PLXNA4: variants seen among roughly 807,000 people sequenced by gnomAD.
PLXNA4 encodes the protein plexin A4.
In PLXNA4, 44 loss-of-function variants were observed where a neutral mutation model predicts 191.8. That is an observed-to-expected ratio of 0.23 (90% confidence interval 0.18 to 0.29). The LOEUF (loss-of-function observed/expected upper bound fraction) is 0.29. Among genes scored for constraint, PLXNA4 ranks in the 10% least tolerant of loss-of-function variants. The pLI, the probability that PLXNA4 is intolerant of heterozygous loss-of-function variation, is 1.00. For synonymous variants in PLXNA4, 1,082 were observed against 1,009.5 expected (o/e 1.07, Z -1.36); for missense variants, 1,800 against 2,488.8 (o/e 0.72, Z 5.89).
In PLXNA4 at chr7:132,435,664, C is replaced by A. The variant is rs142407601; in HGVS notation, c.1371+53628G>T. On this transcript the variant is annotated intron_variant, in intron 3 of 31. Coordinates refer to ENST00000321063, the MANE Select transcript of PLXNA4 (RefSeq NM_020911.2). ...GATGTTTGCTGGGGCCACCTGTGTT[C>A]GGCAACACTTGTCTTTGTGTTGGTG... is the stretch of plus-strand genomic sequence containing the variant. Among the ~76,000 whole-genome samples, 1,058 of 152,276 alleles carry A rather than the reference C, an allele frequency of 6.9e-3. 11 individuals are homozygous for A. Among genetic ancestry groups the A allele is most frequent in the African/African-American group, 0.024 (997 of 41,556 alleles).
At chr7:132,229,546 C>T (rs1349021534) in intron 5 of PLXNA4, among the ~76,000 whole-genome samples, 1 of 152,056 alleles carries the variant, frequency 6.6e-6, no homozygotes, top group African/African-American at 2.4e-5. Flanking sequence ...AAGCAGGGTC[C>T]TCAGGAGGGA....
In PLXNA4 at chr7:132,630,145, C is replaced by T. The variant is rs192784733; in HGVS notation, c.-87+15783G>A. ...GATTACAGGCATGAGCCACCTCACC[C>T]GGCCTGGTGTCTCTTCTTATAAGGC... is the stretch of plus-strand genomic sequence containing the variant. On this transcript the variant is annotated intron_variant, in intron 2 of 4. Transcript: ENST00000378539. Among the ~76,000 whole-genome samples, 22 of 152,262 alleles carry T rather than the reference C, an allele frequency of 1.4e-4. No homozygotes were observed. The East Asian group carries it at 2.7e-3, about 19-fold the overall frequency.
rs574098636 is a variant in PLXNA4, at chr7:132,437,824, T to C, written c.1371+51468A>G. Among the ~76,000 whole-genome samples the C allele has an allele frequency of 2.0e-5, 3 of 152,238 alleles. No homozygotes were observed. The East Asian group carries it at 5.8e-4, about 29-fold the overall frequency. On this transcript the variant is annotated intron_variant, in intron 3 of 31. Coordinates refer to ENST00000321063, the MANE Select transcript of PLXNA4 (RefSeq NM_020911.2). ...TGTCAGCAGCAGGAGGGTCATGTGA[T>C]TGCAGAGGGCAGCCTGACAAGCCCA...
rs78813318 is a variant in PLXNA4 at position 132,206,224 on chromosome 7, G to A, written c.2299-2805C>T. The stretch of plus-strand genomic sequence containing the variant: ...TTCAAGATCATGCACAGCATGCTCC[G>A]AGCATAGTATCTGTCATATAGTCTA... On this transcript the variant is annotated intron_variant, in intron 10 of 31. Transcript: ENST00000321063. 1.4e-3 allele frequency among the ~76,000 whole-genome samples: 214 copies of A among 152,324 alleles called. 2 individuals are homozygous for A. Among genetic ancestry groups the A allele is most frequent in the African/African-American group, 3.7e-3 (154 of 41,578 alleles).
chr7:132,253,562 C>A (rs1799329873), intron 4 of PLXNA4, among the ~76,000 whole-genome samples: 1 of 152,046 alleles, frequency 6.6e-6, no homozygotes, highest in Admixed American at 6.6e-5. Context: ...TCTTTATACC[C>A]ACAAGATTTC....
chr7:132,568,148 C>G lies in PLXNA4; in HGVS notation c.-87+8274G>C, dbSNP rs79944199. ...AATGACTTACAGGAAATATTTTATGCAGAAATGTCCCCTGTTGCATTATAT... is the reference window on the plus strand; with the variant it reads ...AATGACTTACAGGAAATATTTTATGGAGAAATGTCCCCTGTTGCATTATAT... On this transcript the variant is annotated intron_variant, in intron 1 of 31. Coordinates refer to ENST00000321063, the MANE Select transcript of PLXNA4 (RefSeq NM_020911.2). Among the ~76,000 whole-genome samples the G allele has an allele frequency of 2.3e-3, 351 of 152,294 alleles. 2 individuals are homozygous for G. The highest frequency in any genetic ancestry group is 8.1e-3 in the African/African-American group (337 of 41,556).
chr7:132,425,938 C>T (rs946677909), intron 3 of PLXNA4, among the ~76,000 whole-genome samples: 2 of 152,198 alleles, frequency 1.3e-5, no homozygotes, highest in East Asian at 1.9e-4. Context: ...GCTCCCTGAC[C>T]CTGCTCAGTG....
In PLXNA4 at chr7:132,505,500, A is replaced by G. The variant is rs574975048; in HGVS notation, c.1188+2006T>C. On this transcript the variant is annotated intron_variant, in intron 2 of 31. Coordinates refer to ENST00000321063, the MANE Select transcript of PLXNA4 (RefSeq NM_020911.2). ...ACTTGTTGTTGTTTAGTAAGTGCACAGTATAAACTTGCCGTCTTCTAACAT... is the reference window on the plus strand; with the variant it reads ...ACTTGTTGTTGTTTAGTAAGTGCACGGTATAAACTTGCCGTCTTCTAACAT... Among the ~76,000 whole-genome samples the G allele has an allele frequency of 5.9e-5, 9 of 152,348 alleles. No individual in the cohort carries two copies. The South Asian group carries it at 1.2e-3, about 21-fold the overall frequency.
intron 2 of PLXNA4, among the ~76,000 whole-genome samples, chr7:132,615,343 C>T (rs1011239343): frequency 6.6e-6 from 1 of 152,252 alleles, no homozygotes; most frequent in South Asian, 2.1e-4. Flanking sequence ...CAGCACGAAC[C>T]CCACTCGCGT....
chr7:132,507,218 A>C (rs971195258), intron 2 of PLXNA4, among the ~76,000 whole-genome samples: 1 of 152,154 alleles, frequency 6.6e-6, no homozygotes, highest in African/African-American at 2.4e-5. Flanking sequence ...CACAATTCCT[A>C]CCTATTTCCA....
chr7:132,214,645 C>T (rs1228632776), intron 9 of PLXNA4, among the ~76,000 whole-genome samples: 2 of 152,078 alleles, frequency 1.3e-5, no homozygotes, highest in East Asian at 1.9e-4. Context: ...AGGGCAACTT[C>T]GGATAAACTT....
At chr7:132,596,686 A>C (rs1205043371) in intron 2 of PLXNA4, among the ~76,000 whole-genome samples, 1 of 152,186 alleles carries the variant, frequency 6.6e-6, no homozygotes, top group Non-Finnish European at 1.5e-5. Context: ...GGTTGGCTCC[A>C]TGCTAGAGTC....
intron 1 of PLXNA4, among the ~76,000 whole-genome samples, chr7:132,516,177 C>T (rs955876666): frequency 6.6e-6 from 1 of 152,128 alleles, no homozygotes; most frequent in Non-Finnish European, 1.5e-5. Context: ...GTACCCTGTT[C>T]TAAACCAGGG....
At chr7:132,307,872 T>C (rs1801589294) in intron 3 of PLXNA4, among the ~76,000 whole-genome samples, 1 of 152,080 alleles carries the variant, frequency 6.6e-6, no homozygotes, top group Non-Finnish European at 1.5e-5. Flanking sequence ...AATAATTAAT[T>C]AGACAGGCAG....
At chr7:132,257,390 C>G (rs559779073) in intron 4 of PLXNA4, among the ~76,000 whole-genome samples, 24 of 152,338 alleles carry the variant, frequency 1.6e-4, no homozygotes, top group African/African-American at 5.8e-4. Context: ...AAATAAGGCT[C>G]TCTATCATCT....
chr7:132,186,829 C>G (rs573239323), intron 15 of PLXNA4, among the ~76,000 whole-genome samples: 2 of 152,258 alleles, frequency 1.3e-5, no homozygotes, highest in South Asian at 2.1e-4. Flanking sequence ...GAAACAAACC[C>G]CCTCTTTGCC....
At chr7:132,427,759 G>A (rs1463421910) in intron 3 of PLXNA4, among the ~76,000 whole-genome samples, 2 of 152,210 alleles carry the variant, frequency 1.3e-5, no homozygotes, top group Non-Finnish European at 2.9e-5. Context: ...CCTGCCCGAT[G>A]CCTTCTCTAG....
intron 2 of PLXNA4, among the ~76,000 whole-genome samples, chr7:132,587,728 C>T (rs952431995): frequency 6.6e-5 from 10 of 151,908 alleles, no homozygotes; most frequent in African/African-American, 1.4e-4. Flanking sequence ...AAGGGTGGGA[C>T]GAAGGGAAGA....
chr7:132,276,548 T>C (rs1466091754), intron 4 of PLXNA4, among the ~76,000 whole-genome samples: 1 of 152,160 alleles, frequency 6.6e-6, no homozygotes, highest in East Asian at 1.9e-4. Flanking sequence ...CTAAGCAGCT[T>C]ATTCATGAAC....
Sources: gnomAD v4.1 joint callset for allele counts (sites outside exome capture counted in the v4.1 genomes callset) on GRCh38, gnomAD v4.1.1 for gene constraint, MANE v1.5 for transcripts, NCBI Gene and HGNC (gene_info 2026-07-23, HGNC 2026-07-21) for gene names.